The following KANK1 variants were observed in gnomAD, a reference collection of about 807,000 sequenced individuals.
The protein encoded by KANK1 is KN motif and ankyrin repeat domain-containing protein 1.
A neutral mutation model predicts 106.2 loss-of-function variants in KANK1; 109 were observed. The observed-to-expected ratio is 1.03, with a 90% CI of 0.88 to 1.20. The LOEUF (loss-of-function observed/expected upper bound fraction) is 1.20, where lower values mean the gene tolerates loss of function less well. Among genes scored for constraint, KANK1 ranks in the 50% most tolerant of loss-of-function variants. The pLI is 0.00. For synonymous variants in KANK1, 873 were observed against 652.2 expected (o/e 1.34, Z -5.16); for missense variants, 2,399 against 1,710.7 (o/e 1.40, Z -7.10).
Position 732,422 on chromosome 9 carries a change from C to T in KANK1, c.3050C>T (p.Ser1017Phe). The T allele has an allele frequency of 1.2e-6, 2 of 1,614,118 alleles. No individual in the cohort carries two copies. The highest frequency in any genetic ancestry group is 1.7e-6 in the Non-Finnish European group (2 of 1,179,988). Residue 1017 changes from serine (S) to phenylalanine (F), a missense_variant, in exon 6 of 12, where the codon TCT becomes TTT. By Grantham distance (155) the Ser-to-Phe change is radical (BLOSUM62 -2). Coordinates refer to ENST00000382297, the MANE Select transcript of KANK1 (RefSeq NM_015158.5). Reference sequence around the variant, plus strand: ...GATGATTCCAGCTCAGATGAAAGCTCTTCTTCCGAGTCAGATGACGAGTGT... The same window carrying T: ...GATGATTCCAGCTCAGATGAAAGCTTTTCTTCCGAGTCAGATGACGAGTGT... ...SSDDSSSDESSSSESDDECDV... is the reference protein window; with the variant it reads ...SSDDSSSDESFSSESDDECDV...
intron 3 of KANK1, among the ~76,000 whole-genome samples, chr9:490,730 A>G (rs1463674852): frequency 3.9e-5 from 6 of 152,238 alleles, no homozygotes; most frequent in Admixed American, 1.3e-4. Flanking sequence ...TTCATTGCTC[A>G]TTCAACACAT....
chr9:580,172 A>G (rs1262663271), intron 1 of KANK1, among the ~76,000 whole-genome samples: 1 of 151,084 alleles, frequency 6.6e-6, no homozygotes. Context: ...GGTGAGTGTA[A>G]CAGCTCTTAA....
At chr9:518,105 G>T (rs1432700084) in intron 1 of KANK1, among the ~76,000 whole-genome samples, 2 of 151,606 alleles carry the variant, frequency 1.3e-5, no homozygotes, top group East Asian at 3.9e-4. Context: ...GGAAAAAAGT[G>T]TCACTCTTTC....
chr9:628,442 G>A (rs866630695), intron 1 of KANK1, among the ~76,000 whole-genome samples: 3 of 152,166 alleles, frequency 2.0e-5, no homozygotes, highest in Non-Finnish European at 4.4e-5. Context: ...ACAGATGTAC[G>A]TATTTTAATA....
intron 2 of KANK1, among the ~76,000 whole-genome samples, chr9:688,627 A>C (rs1819132085): frequency 6.6e-6 from 1 of 151,266 alleles, no homozygotes; most frequent in African/African-American, 2.4e-5. Flanking sequence ...TGAGAAAGAA[A>C]GATGGTATTG....
Position 712,826 on chromosome 9 carries a change from A to T in KANK1, c.2060A>T (p.Glu687Val), listed in dbSNP as rs1173215839. Reference sequence around the variant, plus strand: ...CAGGTGCACCAGTTCACCAACACCGAGACGGCCACCCTCATAGAGTCCTGC... The same window carrying T: ...CAGGTGCACCAGTTCACCAACACCGTGACGGCCACCCTCATAGAGTCCTGC... The part of the protein sequence containing the change: ...LEQVHQFTNT[E>V]TATLIESCTN... Residue 687 changes from glutamate (E) to valine (V), a missense_variant, in exon 3 of 12, where the codon GAG becomes GTG. Physicochemically the swap from Glu to Val is moderately radical, Grantham distance 121. Transcript: ENST00000382297. 3 of 1,613,872 alleles carry T rather than the reference A, an allele frequency of 1.9e-6. No homozygotes were observed. The highest frequency in any genetic ancestry group is 1.3e-5 in the African/African-American group (1 of 74,900).
At chr9:717,026 C>G (rs1458832412) in intron 3 of KANK1, among the ~76,000 whole-genome samples, 1 of 151,582 alleles carries the variant, frequency 6.6e-6, no homozygotes, top group East Asian at 1.9e-4. Flanking sequence ...TGGCTCACAC[C>G]TGTAATTCTA....
chr9:722,754 G>A (rs1829688148), intron 3 of KANK1, among the ~76,000 whole-genome samples: 1 of 152,160 alleles, frequency 6.6e-6, no homozygotes, highest in Non-Finnish European at 1.5e-5. Flanking sequence ...TACCAGTTAA[G>A]CCTCAGTAGA....
chr9:514,570 C>G (rs766302860), intron 1 of KANK1, among the ~76,000 whole-genome samples: 2 of 151,338 alleles, frequency 1.3e-5, no homozygotes, highest in Non-Finnish European at 2.9e-5. Context: ...AGCATGTACT[C>G]TTTCGTGTCT....
intron 1 of KANK1, among the ~76,000 whole-genome samples, chr9:581,191 C>T (rs536481921): frequency 4.6e-5 from 7 of 152,190 alleles, no homozygotes; most frequent in Non-Finnish European, 1.0e-4. Context: ...GGAGCCGGCT[C>T]CGGCCTCGGC....
At chr9:478,690 T>C (rs1365798734) in intron 3 of KANK1, among the ~76,000 whole-genome samples, 3 of 152,190 alleles carry the variant, frequency 2.0e-5, no homozygotes, top group Admixed American at 2.0e-4. Flanking sequence ...CCACTTACCT[T>C]TAAAAACAAA....
At chr9:584,740 T>G (rs538636343) in intron 1 of KANK1, among the ~76,000 whole-genome samples, 2 of 152,326 alleles carry the variant, frequency 1.3e-5, no homozygotes, top group African/African-American at 4.8e-5. Flanking sequence ...CAGTCAACTG[T>G]CAGTTATCTT....
chr9:690,314 G>GA (rs58615825), intron 2 of KANK1, among the ~76,000 whole-genome samples: 30,498 of 106,826 alleles, frequency 0.29, 3,522 homozygotes, highest in East Asian at 0.56. Flanking sequence ...TCAAAAAAAA[G>GA]AAAAAAAAAA....
chr9:582,144 A>G (rs977595985), intron 1 of KANK1, among the ~76,000 whole-genome samples: 2 of 152,192 alleles, frequency 1.3e-5, no homozygotes, highest in Middle Eastern at 3.2e-3. Context: ...GTCACCTAGC[A>G]GCAGTCTCCT....
intron 1 of KANK1, among the ~76,000 whole-genome samples, chr9:675,450 C>G (rs890618473): frequency 2.0e-5 from 3 of 152,104 alleles, no homozygotes; most frequent in Non-Finnish European, 1.5e-5. Flanking sequence ...TTACTGTTTG[C>G]TAGTATTTTT....
chr9:630,283 C>T (rs1429073336), intron 1 of KANK1, among the ~76,000 whole-genome samples: 1 of 151,156 alleles, frequency 6.6e-6, no homozygotes, highest in African/African-American at 2.4e-5. Context: ...GGGGCAGGCA[C>T]GGTGGCTCAC....
intron 5 of KANK1, 147 bp from the exon 6 acceptor site, chr9:732,231 T>A: frequency 1.1e-6 from 1 of 905,494 alleles, no homozygotes. Flanking sequence ...GGCATTTAAA[T>A]AGACCTTACT....
chr9:652,538 G>C (rs1210408514), intron 1 of KANK1, among the ~76,000 whole-genome samples: 1 of 152,102 alleles, frequency 6.6e-6, no homozygotes, highest in Non-Finnish European at 1.5e-5. Flanking sequence ...GTAAAATAAA[G>C]TGTTTGCAGT....
At chr9:618,824 G>A (rs961176879) in intron 1 of KANK1, among the ~76,000 whole-genome samples, 1 of 152,046 alleles carries the variant, frequency 6.6e-6, no homozygotes, top group African/African-American at 2.4e-5. Flanking sequence ...TCCTCTCATC[G>A]CTGACATTTA....
Sources: gnomAD v4.1 joint callset for allele counts (sites outside exome capture counted in the v4.1 genomes callset) on GRCh38, gnomAD v4.1.1 for gene constraint, MANE v1.5 for transcripts, NCBI Gene and HGNC (gene_info 2026-07-23, HGNC 2026-07-21) for gene names.